Variants in GATAD2B observed in about 807,000 individuals in gnomAD.
GATAD2B encodes transcriptional repressor p66-beta.
Under a neutral mutation model 64.3 loss-of-function variants are expected in GATAD2B, and 8 were observed. The ratio of observed to expected loss-of-function variants is 0.12; its 90% CI spans 0.07 to 0.22. The LOEUF (loss-of-function observed/expected upper bound fraction) is 0.22, where lower values mean the gene tolerates loss of function less well. GATAD2B is among the 10% of genes least tolerant of loss of function. The pLI is 1.00. For synonymous variants in GATAD2B, 281 were observed against 271.3 expected (o/e 1.04, Z -0.35); for missense variants, 453 against 752.0 (o/e 0.60, Z 4.65).
At chr1:153,870,498 A>G (rs188679887) in intron 1 of GATAD2B, among the ~76,000 whole-genome samples, 1 of 152,178 alleles carries the variant, frequency 6.6e-6, no homozygotes, top group Admixed American at 6.5e-5. Context: ...GCGTGAACCC[A>G]GGAGGCAGAG....
At position 153,818,141 on chromosome 1, in the gene GATAD2B, C is replaced by T. The variant is rs763237887; in HGVS notation, c.628G>A (p.Val210Ile). 6.2e-7 allele frequency: 1 copy of T among 1,612,548 alleles called. No individual in the cohort carries two copies. The highest frequency in any genetic ancestry group is 8.5e-7 in the Non-Finnish European group (1 of 1,179,244). ...CCCACATGGGCAGGAGATGGCTGAA[C>T]AATAGATGCTGCATTCTGTACAACT... Reference protein sequence around the residue: ...TPVVQNAASIVQPSPAHVGQQ... With the variant: ...TPVVQNAASIIQPSPAHVGQQ... Residue 210 changes from valine (V) to isoleucine (I), a missense_variant, in exon 5 of 11, where the codon GTT (valine) becomes ATT (isoleucine). Val to Ile is a conservative substitution (Grantham distance 29). Coordinates refer to ENST00000368655, the MANE Select transcript of GATAD2B (RefSeq NM_020699.4).
At chr1:153,852,834 T>C (rs964912482) in intron 1 of GATAD2B, 28 of 853,564 alleles carry the variant, frequency 3.3e-5, no homozygotes, top group Non-Finnish European at 5.3e-5. Context: ...CTTTTTCTAG[T>C]TCTTCCCCAG....
chr1:153,810,830 C>T (rs1674268378), intron 10 of GATAD2B, among the ~76,000 whole-genome samples: 1 of 151,790 alleles, frequency 6.6e-6, no homozygotes, highest in Admixed American at 6.6e-5. Context: ...GTGGCACAAT[C>T]TCAGCTCACT....
chr1:153,856,233 C>T (rs1676078631), intron 1 of GATAD2B, among the ~76,000 whole-genome samples: 1 of 152,198 alleles, frequency 6.6e-6, no homozygotes, highest in South Asian at 2.1e-4. Context: ...TTAATTCCAT[C>T]TGCCATCTTA....
At chr1:153,867,740 A>G (rs1676526915) in intron 1 of GATAD2B, among the ~76,000 whole-genome samples, 1 of 151,798 alleles carries the variant, frequency 6.6e-6, no homozygotes, top group African/African-American at 2.4e-5. Flanking sequence ...AGCATCTGTA[A>G]TCTTAACTAC....
Position 153,812,027 on chromosome 1 carries a change from G to A in GATAD2B, c.1525C>T (p.Arg509Trp). ...QETIMRHHTL[R>W]QAPQPQSSLQ... ...TCAGGCAAAAAGTTCCTTACCTGCC[G>A]AAGCGTATGATGTCTCATGATGGTC... The change falls in exon 9 of 11, where the codon CGG (arginine) becomes TGG (tryptophan). Residue 509 changes from arginine (R) to tryptophan (W), a missense_variant. Arg to Trp is a moderately radical substitution (Grantham distance 101, BLOSUM62 -3). Around this residue, in one of 2 missense-constraint regions of GATAD2B, gnomAD observed 160 missense variants for 334.7 expected, o/e 0.48. Coordinates refer to ENST00000368655, the MANE Select transcript of GATAD2B (RefSeq NM_020699.4). The A allele has an allele frequency of 6.3e-7, 1 of 1,591,602 alleles. No homozygotes were observed. The highest frequency in any genetic ancestry group is 8.6e-7 in the Non-Finnish European group (1 of 1,160,386).
chr1:153,895,772 T>C (rs933930711), intron 1 of GATAD2B, among the ~76,000 whole-genome samples: 1 of 152,146 alleles, frequency 6.6e-6, no homozygotes, highest in Non-Finnish European at 1.5e-5. Flanking sequence ...CTACAAAGAT[T>C]CTAAGTCTGA....
chr1:153,859,563 G>A (rs562521736), intron 1 of GATAD2B, among the ~76,000 whole-genome samples: 3 of 151,204 alleles, frequency 2.0e-5, no homozygotes, highest in Non-Finnish European at 2.9e-5. Flanking sequence ...CCAGCTGCTC[G>A]GGAGGCTGAG....
chr1:153,873,410 G>A (rs1168463568), intron 1 of GATAD2B, among the ~76,000 whole-genome samples: 3 of 152,196 alleles, frequency 2.0e-5, no homozygotes, highest in African/African-American at 7.2e-5. Context: ...CGTGTTAAGA[G>A]GCGAGACCTT....
chr1:153,822,451 T>G (rs898609196), intron 2 of GATAD2B, among the ~76,000 whole-genome samples: 20 of 152,184 alleles, frequency 1.3e-4, no homozygotes, highest in Non-Finnish European at 1.0e-4. Context: ...AAATGATTAT[T>G]TTATTCCCAG....
chr1:153,916,446 G>C (rs1362579215), intron 1 of GATAD2B, among the ~76,000 whole-genome samples: 1 of 152,140 alleles, frequency 6.6e-6, no homozygotes, highest in East Asian at 1.9e-4. Flanking sequence ...TGACAATGAT[G>C]CTCACATTTC....
intron 1 of GATAD2B, among the ~76,000 whole-genome samples, chr1:153,838,804 A>G: frequency 6.6e-6 from 1 of 152,154 alleles, no homozygotes; most frequent in Non-Finnish European, 1.5e-5. Flanking sequence ...TGTGAGGATG[A>G]AAAGCAGTAT....
intron 1 of GATAD2B, chr1:153,886,458 A>G (rs1479162148): frequency 6.6e-6 from 1 of 151,718 alleles, no homozygotes; most frequent in East Asian, 1.9e-4. Context: ...GCATGACTGT[A>G]TATCCTTGGA....
chr1:153,838,515 C>T (rs1465715837), intron 1 of GATAD2B, among the ~76,000 whole-genome samples: 3 of 150,766 alleles, frequency 2.0e-5, no homozygotes, highest in African/African-American at 7.3e-5. Context: ...CTTTTTTTTT[C>T]CCCCTTTTTT....
chr1:153,885,282 A>T (rs1306951864), intron 1 of GATAD2B, among the ~76,000 whole-genome samples: 1 of 152,102 alleles, frequency 6.6e-6, no homozygotes, highest in Non-Finnish European at 1.5e-5. Flanking sequence ...AGAAAATATT[A>T]GCCAAATATG....
intron 1 of GATAD2B, among the ~76,000 whole-genome samples, chr1:153,910,115 AAAT>A (rs903753103): frequency 7.3e-5 from 11 of 151,648 alleles, no homozygotes; most frequent in East Asian, 1.9e-4. Flanking sequence ...CTCCGTCTCA[AAAT>A]AATAATAATA....
intron 1 of GATAD2B, among the ~76,000 whole-genome samples, chr1:153,868,175 C>T (rs1265760472): frequency 6.6e-6 from 1 of 151,842 alleles, no homozygotes; most frequent in African/African-American, 2.4e-5. Flanking sequence ...GCACTCTAGA[C>T]TGGGTGGACA....
At chr1:153,880,262 G>C (rs1476985249) in intron 1 of GATAD2B, among the ~76,000 whole-genome samples, 2 of 151,864 alleles carry the variant, frequency 1.3e-5, no homozygotes, top group African/African-American at 4.8e-5. Flanking sequence ...AGGAGATCGA[G>C]ACCAGCCTGA....
rs1489818629 is a variant in GATAD2B at position 153,904,878 on chromosome 1, T to C, written c.-2+17855A>G. On this transcript the variant is annotated intron_variant, in intron 1 of 10. Coordinates refer to ENST00000368655, the MANE Select transcript of GATAD2B (RefSeq NM_020699.4). ...CCTGCCACCACATCTGGCTAATTTTTCTATTTTTAGTAGAGACGGGGTTTC... is the reference window on the plus strand; with the variant it reads ...CCTGCCACCACATCTGGCTAATTTTCCTATTTTTAGTAGAGACGGGGTTTC... Among the ~76,000 whole-genome samples, 3 of 152,136 alleles carry C rather than the reference T, an allele frequency of 2.0e-5. No homozygotes were observed. The East Asian group carries it at 5.8e-4, about 29-fold the overall frequency.
Sources: allele counts gnomAD v4.1 joint callset (sites outside exome capture counted in the v4.1 genomes callset), GRCh38; gene constraint gnomAD v4.1.1; regional missense constraint gnomAD v4.1.1; transcripts MANE v1.5; gene names NCBI Gene and HGNC (gene_info 2026-07-23, HGNC 2026-07-21).